Variants in ZNF766 observed in about 807,000 individuals in gnomAD.
ZNF766 encodes the protein zinc finger protein 766.
A neutral mutation model predicts 13.2 loss-of-function variants in ZNF766; 13 were observed. That is an observed-to-expected ratio of 0.98 (90% CI 0.64 to 1.56). The LOEUF (loss-of-function observed/expected upper bound fraction) is 1.56. ZNF766 is among the 40% of genes most tolerant of loss of function. The pLI, the probability that ZNF766 is intolerant of heterozygous loss-of-function variation, is 0.00. For missense variants in ZNF766, 521 were observed against 552.2 expected, an observed-to-expected ratio of 0.94 and a Z score of 0.57; for synonymous variants, 178 against 187.6, an observed-to-expected ratio of 0.95 and a Z score of 0.42.
rs370675397 is a variant in ZNF766, at chr19:52,272,740, T to C, written c.18+3109T>C. Reference sequence around the variant, plus strand: ...CACACTACCCTTCCTTATCATCTCATCTCATGGCTTTGAACCCCATCTACC... The same window carrying C: ...CACACTACCCTTCCTTATCATCTCACCTCATGGCTTTGAACCCCATCTACC... On this transcript the variant is annotated intron_variant, in intron 1 of 3. Transcript: ENST00000439461. Among the ~76,000 whole-genome samples, 96 of 152,274 alleles carry C rather than the reference T, an allele frequency of 6.3e-4. 1 individual carries two copies. Among genetic ancestry groups the C allele is most frequent in the African/African-American group, 2.2e-3 (92 of 41,556 alleles).
At position 52,290,376 on chromosome 19, in the gene ZNF766, C is replaced by A; in HGVS notation, c.585C>A (p.Val195=). 1.9e-6 allele frequency: 3 copies of A among 1,614,044 alleles called. No individual in the cohort carries two copies. The highest frequency in any genetic ancestry group is 2.5e-6 in the Non-Finnish European group (3 of 1,180,036). The stretch of plus-strand genomic sequence containing the variant: ...ACGAATGTAATGAGCAGGGCAAAGT[C>A]TTCAGAGTGTCTTCAAGCCTTCCTA... ...KPYECNEQGK[V]FRVSSSLPNH... is the part of the protein sequence containing the mutation. Residue 195 remains valine (V), a synonymous_variant, in exon 4 of 4, where the codon GTC becomes GTA. Transcript: ENST00000439461.
At chr19:52,271,730 C>T (rs182020856) in intron 1 of ZNF766, among the ~76,000 whole-genome samples, 1 of 152,314 alleles carries the variant, frequency 6.6e-6, no homozygotes. Flanking sequence ...GAGGCCAAGG[C>T]GGGTGGATCA....
rs1395336915 is a variant in ZNF766 at position 52,294,861 on chromosome 19, T to C, written c.*3663T>C. ...ACAATATGATTGTTGAAAACACTTG[T>C]GAAATTTTTTTAGTAAAATTGCCTA... On this transcript the variant is annotated 3_prime_UTR_variant, in exon 4 of 4. Coordinates refer to ENST00000439461, the MANE Select transcript of ZNF766 (RefSeq NM_001010851.3). 1 of 152,142 alleles carries C rather than the reference T, an allele frequency of 6.6e-6. No individual in the cohort carries two copies. The highest frequency in any genetic ancestry group is 1.9e-4 in the East Asian group (1 of 5,200). 9.4% of individuals were successfully genotyped at this position (152,142 alleles called of 1,614,324 possible). A position where few individuals can be genotyped will look rare whatever the true frequency, so the allele number is the denominator to read the frequency against.
chr19:52,269,662 C>G (rs773966917), intron 1 of ZNF766, 31 bp downstream of exon 1: 13 of 1,611,770 alleles, frequency 8.1e-6, no homozygotes, highest in Non-Finnish European at 8.5e-7. Flanking sequence ...ATTAAGTGTT[C>G]GCTTAGCGGT....
At chr19:52,281,990 A>G (rs1037730054) in intron 1 of ZNF766, 121 bp from the exon 2 acceptor site, 8 of 1,175,228 alleles carry the variant, frequency 6.8e-6, no homozygotes, top group Non-Finnish European at 9.8e-6. Flanking sequence ...CTTAATGTGG[A>G]TATGTCAGAA....
chr19:52,282,866 A>G (rs556314034), intron 2 of ZNF766, among the ~76,000 whole-genome samples: 11 of 152,306 alleles, frequency 7.2e-5, no homozygotes, highest in East Asian at 3.9e-4. Flanking sequence ...TCGATGTCCA[A>G]TTATTACACA....
intron 1 of ZNF766, 33 bp downstream of exon 1, chr19:52,269,664 C>T (rs1980884190): frequency 3.1e-6 from 5 of 1,611,698 alleles, no homozygotes; most frequent in Non-Finnish European, 4.2e-6. Flanking sequence ...TAAGTGTTCG[C>T]TTAGCGGTGC....
chr19:52,277,540 A>G (rs141669779), intron 1 of ZNF766: 1,632 of 1,571,404 alleles, frequency 1.0e-3, no homozygotes, highest in Non-Finnish European at 1.3e-3. Flanking sequence ...CCACTTACTC[A>G]GGTAAAGTGA....
In ZNF766 at chr19:52,295,881, GGTTT is replaced by G. The variant is rs1982325460; in HGVS notation, c.*4688_*4691del. ...TTCCAGGTTTTTTGGGATTTCTGTT[GGTTT>G]GTTTTGTTTTTTGCTTTTCTACATA... is the stretch of plus-strand genomic sequence containing the variant. On this transcript the variant is annotated 3_prime_UTR_variant, in exon 4 of 4. Coordinates refer to ENST00000439461, the MANE Select transcript of ZNF766 (RefSeq NM_001010851.3). 1 of 151,434 alleles carries G rather than the reference GGTTT, an allele frequency of 6.6e-6. No individual in the cohort carries two copies. Among genetic ancestry groups the G allele is most frequent in the South Asian group, 2.1e-4 (1 of 4,798 alleles). The allele number at this position is 151,434 out of a possible 1,614,324, so 9.4% of individuals were successfully genotyped here.
rs1982256706 is a variant in ZNF766 at position 52,293,994 on chromosome 19, A to C, written c.*2796A>C. 1 of 152,182 alleles carries C rather than the reference A, an allele frequency of 6.6e-6. No individual in the cohort carries two copies. The highest frequency in any genetic ancestry group is 6.5e-5 in the Admixed American group (1 of 15,270). The allele number at this position is 152,182 out of a possible 1,614,324, so 9.4% of individuals were successfully genotyped here. On this transcript the variant is annotated 3_prime_UTR_variant, in exon 4 of 4. Transcript: ENST00000439461. ...AATCACATAACAGTGCAGCTTCATCATCATATGCCCTCAATGTTCATCACT... is the reference window on the plus strand; with the variant it reads ...AATCACATAACAGTGCAGCTTCATCCTCATATGCCCTCAATGTTCATCACT...
rs1329403410 is a variant in ZNF766, at chr19:52,291,343, G to A, written c.*145G>A. The A allele has an allele frequency of 9.9e-6, 8 of 806,464 alleles. No individual in the cohort carries two copies. The highest frequency in any genetic ancestry group is 1.5e-5 in the Non-Finnish European group (8 of 526,298). The allele number at this position is 806,464 out of a possible 1,614,324, so 50.0% of individuals were successfully genotyped here. On this transcript the variant is annotated 3_prime_UTR_variant, in exon 4 of 4. Transcript: ENST00000439461. Reference sequence around the variant, plus strand: ...AGACATCGAAACATTCATCTTTGGTGAAACCACACAAATGGATTGTGTGTG... The same window carrying A: ...AGACATCGAAACATTCATCTTTGGTAAAACCACACAAATGGATTGTGTGTG...
At position 52,290,265 on chromosome 19, in the gene ZNF766, C is replaced by A; in HGVS notation, c.474C>A (p.Thr158=). Residue 158 remains threonine (T), a synonymous_variant, in exon 4 of 4, where the codon ACC becomes ACA. Coordinates refer to ENST00000439461, the MANE Select transcript of ZNF766 (RefSeq NM_001010851.3). ...PLQRIYSGVK[T]HIFNKHRNDF... is the part of the protein sequence containing the mutation. ...AAAGAATTTACTCTGGGGTCAAAACCCACATATTTAATAAACATAGGAATG... is the reference window on the plus strand; with the variant it reads ...AAAGAATTTACTCTGGGGTCAAAACACACATATTTAATAAACATAGGAATG... 1 of 1,613,772 alleles carries A rather than the reference C, an allele frequency of 6.2e-7. No homozygotes were observed.
At chr19:52,270,440 A>G (rs1980927210) in intron 1 of ZNF766, among the ~76,000 whole-genome samples, 1 of 152,180 alleles carries the variant, frequency 6.6e-6, no homozygotes, top group Admixed American at 6.5e-5. Context: ...TTCTATTTCT[A>G]GACAGATGAA....
chr19:52,276,153 C>G (rs1981187721), intron 1 of ZNF766, among the ~76,000 whole-genome samples: 2 of 152,198 alleles, frequency 1.3e-5, no homozygotes, highest in Admixed American at 1.3e-4. Flanking sequence ...TAAGTTCCCT[C>G]TGTAATGAAA....
rs1982266763 is a variant in ZNF766 at position 52,294,311 on chromosome 19, A to G, written c.*3113A>G. Reference sequence around the variant, plus strand: ...TTGGTAGATTAACTAGAAACTTCACATTTTCACCCTTATAACCTTTTTGGT... The same window carrying G: ...TTGGTAGATTAACTAGAAACTTCACGTTTTCACCCTTATAACCTTTTTGGT... On this transcript the variant is annotated 3_prime_UTR_variant, in exon 4 of 4. Transcript: ENST00000439461. 1 of 152,164 alleles carries G rather than the reference A, an allele frequency of 6.6e-6. No homozygotes were observed. The highest frequency in any genetic ancestry group is 1.5e-5 in the Non-Finnish European group (1 of 68,036). The allele number at this position is 152,164 out of a possible 1,614,324, so 9.4% of individuals were successfully genotyped here.
Position 52,294,786 on chromosome 19 carries a change from A to C in ZNF766, c.*3588A>C, listed in dbSNP as rs552740559. ...GTTAGGAAAGACTCTGATTTTCTTC[A>C]TGATAATATCTTACGTTCCTTTTAT... is the stretch of plus-strand genomic sequence containing the variant. On this transcript the variant is annotated 3_prime_UTR_variant, in exon 4 of 4. Coordinates refer to ENST00000439461, the MANE Select transcript of ZNF766 (RefSeq NM_001010851.3). The C allele has an allele frequency of 6.9e-6, 1 of 145,952 alleles. No individual in the cohort carries two copies. Among genetic ancestry groups the C allele is most frequent in the Admixed American group, 6.8e-5 (1 of 14,762 alleles). The allele number at this position is 145,952 out of a possible 1,614,324, so 9.0% of individuals were successfully genotyped here.
In ZNF766 at chr19:52,291,859, G is replaced by A. The variant is rs764486909; in HGVS notation, c.*661G>A. On this transcript the variant is annotated 3_prime_UTR_variant, in exon 4 of 4. Coordinates refer to ENST00000439461, the MANE Select transcript of ZNF766 (RefSeq NM_001010851.3). ...GAAAGCCAAGACAGGAGGGTCACTT[G>A]ATGCCTGGAGATCAAGATAAGTATG... 2.0e-5 allele frequency: 7 copies of A among 342,970 alleles called. No homozygotes were observed. Among genetic ancestry groups the A allele is most frequent in the Admixed American group, 4.6e-5 (1 of 21,740 alleles). 21.2% of individuals were successfully genotyped at this position (342,970 alleles called of 1,614,324 possible). A position where few individuals can be genotyped will look rare whatever the true frequency, so the allele number is the denominator to read the frequency against.
At chr19:52,285,382 A>G (rs1315488975) in intron 3 of ZNF766, among the ~76,000 whole-genome samples, 1 of 152,096 alleles carries the variant, frequency 6.6e-6, no homozygotes, top group East Asian at 1.9e-4. Context: ...CCCCCTTCCC[A>G]CCAGTTGCAA....
chr19:52,287,332 G>A (rs1013840393), intron 3 of ZNF766, among the ~76,000 whole-genome samples: 2 of 151,500 alleles, frequency 1.3e-5, no homozygotes, highest in Non-Finnish European at 2.9e-5. Flanking sequence ...TAGTAGAGAC[G>A]GGGTTTCACT....
Sources: allele counts gnomAD v4.1 joint callset (sites outside exome capture counted in the v4.1 genomes callset), GRCh38; gene constraint gnomAD v4.1.1; transcripts MANE v1.5; gene names NCBI Gene and HGNC (gene_info 2026-07-23, HGNC 2026-07-21).